The following CYSLTR2 variants were observed in gnomAD, a reference collection of about 807,000 sequenced individuals.
CYSLTR2 encodes the protein G-protein coupled receptor GPCR21.
For synonymous variants in CYSLTR2, 179 were observed against 160.8 expected (o/e 1.11, Z -0.86); for missense variants, 398 against 411.9 (o/e 0.97, Z 0.29).
In CYSLTR2 at chr13:48,707,957, T is replaced by G; in HGVS notation, c.*99T>G. The stretch of plus-strand genomic sequence containing the variant: ...GTATTTACATCACTCCCAACAAATG[T>G]TGATTCTTAATATTTAGTTGACCAT... On this transcript the variant is annotated 3_prime_UTR_variant, in exon 5 of 5. Transcript: ENST00000682523. 3 of 1,006,624 alleles carry G rather than the reference T, an allele frequency of 3.0e-6. No individual in the cohort carries two copies. Among genetic ancestry groups the G allele is most frequent in the Non-Finnish European group, 4.1e-6 (3 of 723,660 alleles). The allele number at this position is 1,006,624 out of a possible 1,614,324, so 62.4% of individuals were successfully genotyped here.
At chr13:48,701,619 T>C (rs529809372) in intron 4 of CYSLTR2, among the ~76,000 whole-genome samples, 261 of 152,302 alleles carry the variant, frequency 1.7e-3, no homozygotes, top group African/African-American at 6.0e-3. Flanking sequence ...CAGACACTTC[T>C]CAAAAGAAGA....
chr13:48,696,857 G>A (rs1001600840), intron 4 of CYSLTR2, among the ~76,000 whole-genome samples: 15 of 151,476 alleles, frequency 9.9e-5, no homozygotes, highest in East Asian at 5.8e-4. Context: ...CACATGGCTC[G>A]GAGGGTCCCA....
At chr13:48,659,312 C>T (rs973607367) in intron 1 of CYSLTR2, among the ~76,000 whole-genome samples, 1 of 152,162 alleles carries the variant, frequency 6.6e-6, no homozygotes, top group African/African-American at 2.4e-5. Flanking sequence ...TGTGCTGCCT[C>T]CTGGGGTCCT....
chr13:48,666,693 T>C (rs905300589), intron 1 of CYSLTR2, among the ~76,000 whole-genome samples: 1 of 152,130 alleles, frequency 6.6e-6, no homozygotes, highest in African/African-American at 2.4e-5. Flanking sequence ...AAGCTCTCTA[T>C]TATATTTTTA....
intron 3 of CYSLTR2, among the ~76,000 whole-genome samples, chr13:48,695,068 ATTTTTTTTT>A (rs869282546): frequency 2.1e-3 from 148 of 71,618 alleles, no homozygotes; most frequent in Non-Finnish European, 2.7e-3. Context: ...AGAACCTGGC[ATTTTTTTTT>A]TTTTTTTTTT....
Position 48,710,995 on chromosome 13 carries a change from A to T in CYSLTR2, c.*3137A>T, listed in dbSNP as rs935989413. The T allele has an allele frequency of 2.6e-5, 4 of 152,168 alleles. No homozygotes were observed. The highest frequency in any genetic ancestry group is 5.9e-5 in the Non-Finnish European group (4 of 68,032). 9.4% of individuals were successfully genotyped at this position (152,168 alleles called of 1,614,324 possible). On this transcript the variant is annotated 3_prime_UTR_variant, in exon 5 of 5. Transcript: ENST00000682523. ...CATATTCTATCACAGAAAATGCATA[A>T]TAACTAAATCTGGAAAATGATGAAT... is the stretch of plus-strand genomic sequence containing the variant.
At chr13:48,673,993 G>A (rs886991013) in intron 1 of CYSLTR2, among the ~76,000 whole-genome samples, 13 of 152,248 alleles carry the variant, frequency 8.5e-5, no homozygotes, top group East Asian at 5.8e-4. Context: ...AGAGATCTGC[G>A]GTTAGTCTGA....
rs1954319509 is a variant in CYSLTR2 at position 48,700,749 on chromosome 13, T to C, written c.-2+4123T>C. Among the ~76,000 whole-genome samples the C allele has an allele frequency of 1.3e-5, 2 of 151,160 alleles. 1 individual carries two copies. The highest frequency in any genetic ancestry group is 4.2e-4 in the South Asian group (2 of 4,810). ...ATTGTCACTGTTTGCAGATGACATT[T>C]AGAAAACCCCATCGTCTCAGCCCAA... On this transcript the variant is annotated intron_variant, in intron 4 of 4. Coordinates refer to ENST00000682523, the MANE Select transcript of CYSLTR2 (RefSeq NM_001308476.3).
rs1190444253 is a variant in CYSLTR2 at position 48,709,729 on chromosome 13, A to AAG, written c.*1873_*1874dup. ...GTAGATAGAGACCTTTTGAGTATAA[A>AAG]AGATCCTCCAAAATAAGAGATTAAA... On this transcript the variant is annotated 3_prime_UTR_variant, in exon 5 of 5. Transcript: ENST00000682523. The AAG allele has an allele frequency of 6.6e-6, 1 of 152,240 alleles. No homozygotes were observed. Among genetic ancestry groups the AAG allele is most frequent in the Non-Finnish European group, 1.5e-5 (1 of 68,038 alleles). 9.4% of individuals were successfully genotyped at this position (152,240 alleles called of 1,614,324 possible).
intron 1 of CYSLTR2, among the ~76,000 whole-genome samples, chr13:48,660,834 T>C (rs1240979781): frequency 1.3e-5 from 2 of 152,170 alleles, no homozygotes; most frequent in East Asian, 3.9e-4. Flanking sequence ...TCAGTGATAC[T>C]TCCCTGTTCT....
At chr13:48,690,875 A>G (rs879662134) in intron 1 of CYSLTR2, among the ~76,000 whole-genome samples, 2 of 149,468 alleles carry the variant, frequency 1.3e-5, no homozygotes, top group African/African-American at 2.4e-5. Flanking sequence ...CTGTGAATCC[A>G]TCTGCTCCTG....
intron 1 of CYSLTR2, among the ~76,000 whole-genome samples, chr13:48,672,117 T>C (rs1386673181): frequency 2.0e-5 from 3 of 152,190 alleles, no homozygotes; most frequent in Admixed American, 1.3e-4. Flanking sequence ...TTCTATGGGA[T>C]CAGTGGTGAT....
At chr13:48,695,660 T>C (rs1954166224) in intron 3 of CYSLTR2, among the ~76,000 whole-genome samples, 1 of 151,804 alleles carries the variant, frequency 6.6e-6, no homozygotes, top group Non-Finnish European at 1.5e-5. Flanking sequence ...AAGGATGTTA[T>C]ATAAATGGGA....
intron 1 of CYSLTR2, among the ~76,000 whole-genome samples, chr13:48,670,828 G>C (rs145738148): frequency 2.6e-5 from 4 of 152,340 alleles, no homozygotes; most frequent in African/African-American, 9.6e-5. Context: ...GTCAGTGGTA[G>C]CTTGATGGGG....
At chr13:48,681,545 T>C (rs1176089261) in intron 1 of CYSLTR2, among the ~76,000 whole-genome samples, 1 of 152,218 alleles carries the variant, frequency 6.6e-6, no homozygotes, top group African/African-American at 2.4e-5. Context: ...TAAGAGGTCC[T>C]TATTGCTGGG....
chr13:48,681,652 T>G (rs1476113794), intron 1 of CYSLTR2, among the ~76,000 whole-genome samples: 1 of 152,158 alleles, frequency 6.6e-6, no homozygotes, highest in Non-Finnish European at 1.5e-5. Context: ...GCCTGCCGGA[T>G]TTCATGCCCT....
intron 1 of CYSLTR2, among the ~76,000 whole-genome samples, chr13:48,672,493 G>T (rs192538487): frequency 2.0e-5 from 3 of 151,742 alleles, no homozygotes; most frequent in Non-Finnish European, 4.4e-5. Context: ...TGTTCTCATT[G>T]GTTTCAAAGA....
At chr13:48,703,840 A>T (rs545838748) in intron 4 of CYSLTR2, among the ~76,000 whole-genome samples, 1 of 152,278 alleles carries the variant, frequency 6.6e-6, no homozygotes, top group African/African-American at 2.4e-5. Flanking sequence ...AGAATTCTCC[A>T]GTGAAGCCAT....
rs1474164089 is a variant in CYSLTR2, at chr13:48,707,357, G to A, written c.540G>A (p.Gln180=). The change falls in exon 5 of 5, where the codon CAG becomes CAA. Residue 180 remains glutamine, a synonymous_variant. Transcript: ENST00000682523. Reference sequence around the variant, plus strand: ...TGCTCCTGGACAGTGGCTCTGAGCAGAACGGCAGTGTCACATCATGCTTAG... The same window carrying A: ...TGCTCCTGGACAGTGGCTCTGAGCAAAACGGCAGTGTCACATCATGCTTAG... The part of the protein sequence containing the change: ...SIMLLDSGSE[Q]NGSVTSCLEL... 2 of 1,614,092 alleles carry A rather than the reference G, an allele frequency of 1.2e-6. No individual in the cohort carries two copies. The highest frequency in any genetic ancestry group is 1.7e-5 in the Admixed American group (1 of 60,010).
Sources: allele counts gnomAD v4.1 joint callset (sites outside exome capture counted in the v4.1 genomes callset), GRCh38; gene constraint gnomAD v4.1.1; transcripts MANE v1.5; gene names NCBI Gene and HGNC (gene_info 2026-07-23, HGNC 2026-07-21).